The following PCDHA4 variants were observed in gnomAD, a reference collection of about 807,000 sequenced individuals.
PCDHA4 encodes protocadherin alpha-4.
A neutral mutation model predicts 61.4 loss-of-function variants in PCDHA4; 49 were observed. The observed-to-expected ratio is 0.80, with a 90% CI of 0.63 to 1.01. The LOEUF is 1.01. PCDHA4 is among the 50% of genes least tolerant of loss of function. PCDHA4 has a pLI of 0.00. For synonymous variants in PCDHA4, 590 were observed against 550.3 expected, an observed-to-expected ratio of 1.07 and a Z score of -1.01; for missense variants, 1,254 against 1,235.8, an observed-to-expected ratio of 1.01 and a Z score of -0.22.
At chr5:140,942,601 GT>G (rs1453167051) in intron 1 of PCDHA4, among the ~76,000 whole-genome samples, 1 of 130,480 alleles carries the variant, frequency 7.7e-6, no homozygotes, top group Non-Finnish European at 1.6e-5. Flanking sequence ...TAATTATAGT[GT>G]TTATATTTGC....
intron 1 of PCDHA4, among the ~76,000 whole-genome samples, chr5:140,970,213 A>AAAT (rs1198069658): frequency 6.6e-5 from 10 of 152,242 alleles, no homozygotes; most frequent in Admixed American, 2.0e-4. Context: ...AATTTAGCTT[A>AAAT]AATGCAGCCT....
At chr5:140,857,985 T>C (rs1554150982) in intron 1 of PCDHA4, 4 of 1,596,676 alleles carry the variant, frequency 2.5e-6, no homozygotes, top group South Asian at 2.2e-5. Flanking sequence ...CGCCAGCGCC[T>C]ACTGGTGCTG....
chr5:140,879,923 G>C (rs2058180033), intron 1 of PCDHA4, among the ~76,000 whole-genome samples: 1 of 152,132 alleles, frequency 6.6e-6, no homozygotes, highest in South Asian at 2.1e-4. Context: ...GTTTTACAAA[G>C]GTACATGTGA....
At chr5:140,876,058 C>G in intron 1 of PCDHA4, 4 of 1,613,868 alleles carry the variant, frequency 2.5e-6, no homozygotes, top group Non-Finnish European at 3.4e-6. Flanking sequence ...TGAATTAGTT[C>G]TTCGGAAGTT....
intron 1 of PCDHA4, chr5:140,829,848 G>A (rs1406013217): frequency 6.2e-7 from 1 of 1,613,964 alleles, no homozygotes; most frequent in Admixed American, 1.7e-5. Flanking sequence ...CGGTCACTGG[G>A]TGCAGGCCAA....
intron 1 of PCDHA4, chr5:140,871,261 C>T (rs1554165342): frequency 3.1e-6 from 5 of 1,613,864 alleles, no homozygotes; most frequent in Admixed American, 3.3e-5. Context: ...GTATACGGCG[C>T]TGTGGTGGTC....
At chr5:140,829,036 A>T in intron 1 of PCDHA4, 7 of 1,613,076 alleles carry the variant, frequency 4.3e-6, no homozygotes, top group Non-Finnish European at 5.9e-6. Context: ...AAGAAAACTT[A>T]TACAAAATCC....
At chr5:140,843,392 G>A in intron 1 of PCDHA4, 1 of 1,596,106 alleles carries the variant, frequency 6.3e-7, no homozygotes, top group Non-Finnish European at 8.6e-7. Flanking sequence ...GGGTCCGGAA[G>A]CGGCGCTGGT....
rs373601874 is a variant in PCDHA4, at chr5:140,873,473, C to T, written c.2385+63901C>T. ...TTTGCATTTTAGATAATTCAAATTACTTGGACTGATTTCTGCAAAGTTGTG... is the reference window on the plus strand; with the variant it reads ...TTTGCATTTTAGATAATTCAAATTATTTGGACTGATTTCTGCAAAGTTGTG... On this transcript the variant is annotated intron_variant, in intron 1 of 3. Transcript: ENST00000530339. Among the ~76,000 whole-genome samples the T allele has an allele frequency of 1.5e-4, 23 of 152,180 alleles. No homozygotes were observed. The East Asian group carries it at 2.3e-3, about 15-fold the overall frequency.
At chr5:140,840,874 T>C (rs1776919998) in intron 1 of PCDHA4, among the ~76,000 whole-genome samples, 1 of 152,016 alleles carries the variant, frequency 6.6e-6, no homozygotes, top group Non-Finnish European at 1.5e-5. Context: ...GAGGACAGTT[T>C]ACATTTCTGA....
At chr5:140,885,482 G>A (rs1174553739) in intron 1 of PCDHA4, among the ~76,000 whole-genome samples, 1 of 152,150 alleles carries the variant, frequency 6.6e-6, no homozygotes, top group Non-Finnish European at 1.5e-5. Context: ...TTTGTGTCAA[G>A]TGTTCTGTTA....
intron 1 of PCDHA4, chr5:140,849,778 G>C (rs2150449659): frequency 1.9e-6 from 3 of 1,598,508 alleles, no homozygotes; most frequent in Non-Finnish European, 2.6e-6. Context: ...GTTACCGCGC[G>C]GGACGGGGGC....
At chr5:140,823,827 C>A (rs1554129619) in intron 1 of PCDHA4, 1 of 1,613,806 alleles carries the variant, frequency 6.2e-7, no homozygotes, top group Non-Finnish European at 8.5e-7. Context: ...CGTCGGCGGG[C>A]GCTGTGGGTC....
chr5:140,912,993 T>C (rs186652657), intron 1 of PCDHA4, among the ~76,000 whole-genome samples: 1 of 152,294 alleles, frequency 6.6e-6, no homozygotes, highest in Non-Finnish European at 1.5e-5. Flanking sequence ...TTCAGTTTGC[T>C]AGTATTTTGT....
At chr5:140,942,950 T>G (rs1461424409) in intron 1 of PCDHA4, among the ~76,000 whole-genome samples, 1 of 151,716 alleles carries the variant, frequency 6.6e-6, no homozygotes, top group Non-Finnish European at 1.5e-5. Context: ...AGTGTAGACG[T>G]TCTGTTATCA....
chr5:141,003,252 TGGGCAGTGCCTAA>T (rs2098117217), intron 3 of PCDHA4, among the ~76,000 whole-genome samples: 1 of 152,236 alleles, frequency 6.6e-6, no homozygotes, highest in South Asian at 2.1e-4. Context: ...AAAAGATTCC[TGGGCAGTGCCTAA>T]GGGAAGTGCC....
intron 1 of PCDHA4, chr5:140,857,734 C>G: frequency 3.1e-6 from 5 of 1,597,392 alleles, no homozygotes; most frequent in Non-Finnish European, 4.3e-6. Flanking sequence ...ACAACGCTCC[C>G]GCGCTGCTGG....
chr5:140,866,911 G>C (rs1359822435), intron 1 of PCDHA4: 4 of 152,102 alleles, frequency 2.6e-5, no homozygotes, highest in African/African-American at 9.7e-5. Context: ...GATCCTCAAA[G>C]ATGAGTTCAA....
Position 140,873,721 on chromosome 5 carries a change from C to T in PCDHA4, c.2385+64149C>T, listed in dbSNP as rs556752313. On this transcript the variant is annotated intron_variant, in intron 1 of 3. Coordinates refer to ENST00000530339, the MANE Select transcript of PCDHA4 (RefSeq NM_018907.4). ...TATCACCCAGGCTGGTGTGCAGTGG[C>T]GCAATCTCAGCTCACTGCAATCTCC... Among the ~76,000 whole-genome samples, 8 of 152,254 alleles carry T rather than the reference C, an allele frequency of 5.3e-5. No individual in the cohort carries two copies. In the South Asian group the frequency reaches 1.0e-3, roughly 20 times the overall value.
Sources: gnomAD v4.1 joint callset for allele counts (sites outside exome capture counted in the v4.1 genomes callset) on GRCh38, gnomAD v4.1.1 for gene constraint, MANE v1.5 for transcripts, NCBI Gene and HGNC (gene_info 2026-07-23, HGNC 2026-07-21) for gene names.